The following GSE1 variants were observed in gnomAD, a reference collection of about 807,000 sequenced individuals.
The protein encoded by GSE1 is genetic suppressor element 1.
Under a neutral mutation model 112.6 loss-of-function variants are expected in GSE1, and 32 were observed. The observed-to-expected ratio is 0.28, with a 90% CI of 0.21 to 0.38. The LOEUF (loss-of-function observed/expected upper bound fraction) is 0.38, where lower values mean the gene tolerates loss of function less well. GSE1 is among the 10% of genes least tolerant of loss of function. The probability of loss-of-function intolerance (pLI) is 1.00; values close to 1 mark genes in which losing one functional copy is unlikely to be tolerated. For missense variants in GSE1, 2,348 were observed against 1,699.2 expected, an observed-to-expected ratio of 1.38 and a Z score of -6.71; for synonymous variants, 1,115 against 735.6, an observed-to-expected ratio of 1.52 and a Z score of -8.35.
chr16:85,196,034 C>T (rs958766365), intron 1 of GSE1, among the ~76,000 whole-genome samples: 45 of 152,276 alleles, frequency 3.0e-4, no homozygotes, highest in African/African-American at 8.2e-4. Flanking sequence ...TAACCAAACA[C>T]GGTCATGTTT....
chr16:85,466,484 C>G (rs1246299348), intron 2 of GSE1, among the ~76,000 whole-genome samples: 1 of 152,184 alleles, frequency 6.6e-6, no homozygotes, highest in Non-Finnish European at 1.5e-5. Context: ...ACACTGGCAG[C>G]TGAGCTCGTC....
intron 1 of GSE1, among the ~76,000 whole-genome samples, chr16:85,323,662 T>A (rs138016327): frequency 6.6e-6 from 1 of 152,244 alleles, no homozygotes; most frequent in Non-Finnish European, 1.5e-5. Flanking sequence ...CACCCCTGAT[T>A]CTGGCCAGGC....
intron 1 of GSE1, among the ~76,000 whole-genome samples, chr16:85,249,419 G>A (rs2144013610): frequency 6.6e-6 from 1 of 152,372 alleles, no homozygotes; most frequent in Admixed American, 6.5e-5. Flanking sequence ...GGCCTGTGCA[G>A]GCAGCAACCC....
chr16:85,607,276 G>A (rs926829193), upstream of GSE1, among the ~76,000 whole-genome samples: 4 of 152,142 alleles, frequency 2.6e-5, no homozygotes, highest in African/African-American at 7.2e-5. Flanking sequence ...GAGCTGGGGG[G>A]CGGTTGGTAG....
At chr16:85,572,523 C>T (rs1010585483) in intron 1 of GSE1, among the ~76,000 whole-genome samples, 2 of 151,758 alleles carry the variant, frequency 1.3e-5, no homozygotes, top group African/African-American at 4.8e-5. Flanking sequence ...ACACACACAC[C>T]GCACACACAT....
chr16:85,422,875 C>T (rs1442129028), intron 2 of GSE1, among the ~76,000 whole-genome samples: 7 of 152,110 alleles, frequency 4.6e-5, no homozygotes, highest in Non-Finnish European at 7.4e-5. Flanking sequence ...GCCTGACGCT[C>T]GGGGCTCCAG....
intron 1 of GSE1, among the ~76,000 whole-genome samples, chr16:85,191,437 G>T (rs528375912): frequency 6.6e-6 from 1 of 152,136 alleles, no homozygotes. Flanking sequence ...ACCCCATTCT[G>T]CCTGGCCACA....
intron 1 of GSE1, among the ~76,000 whole-genome samples, chr16:85,565,766 C>G (rs956962116): frequency 6.6e-6 from 1 of 152,174 alleles, no homozygotes; most frequent in African/African-American, 2.4e-5. Flanking sequence ...GAGCGGTGCT[C>G]GAACCAGGCC....
rs138390830 is a variant in GSE1, at chr16:85,184,481, C to T, written c.2283+12674C>T. ...ACTTAAGAAGGGGGCCAGGCACTGG[C>T]ATATTTGCTAAGCATTCCCCATATG... On this transcript the variant is annotated intron_variant, in intron 1 of 2. Coordinates refer to the GSE1 transcript ENST00000637419. 9.8e-5 allele frequency among the ~76,000 whole-genome samples: 15 copies of T among 152,336 alleles called. No homozygotes were observed. In the East Asian group the frequency reaches 2.9e-3, roughly 29 times the overall value.
At chr16:85,201,339 T>G (rs1356453284) in intron 1 of GSE1, among the ~76,000 whole-genome samples, 1 of 36,270 alleles carries the variant, frequency 2.8e-5, no homozygotes, top group Non-Finnish European at 6.0e-5. Flanking sequence ...CCCTTTGGTG[T>G]TTTTTTTTTT....
At chr16:85,565,403 AAAC>A (rs893892395) in intron 1 of GSE1, among the ~76,000 whole-genome samples, 1 of 150,954 alleles carries the variant, frequency 6.6e-6, no homozygotes, top group Non-Finnish European at 1.5e-5. Flanking sequence ...TCAAAAAAAA[AAAC>A]AAAAAAAAAC....
At chr16:85,199,736 A>G (rs375114776) in intron 1 of GSE1, among the ~76,000 whole-genome samples, 3 of 152,038 alleles carry the variant, frequency 2.0e-5, no homozygotes, top group Non-Finnish European at 4.4e-5. Context: ...GGGACATTCT[A>G]TTCAGAAGGT....
At chr16:85,391,100 C>T (rs971136547) in intron 2 of GSE1, among the ~76,000 whole-genome samples, 2 of 152,216 alleles carry the variant, frequency 1.3e-5, no homozygotes, top group Non-Finnish European at 2.9e-5. Context: ...CCCCCACCGC[C>T]CCAGCTGGCA....
At chr16:85,663,118 C>T (rs763694888) in intron 10 of GSE1, 25 bp downstream of exon 10, 1 of 1,483,790 alleles carries the variant, frequency 6.7e-7, no homozygotes, top group Non-Finnish European at 9.4e-7. Context: ...TCCCCACGGA[C>T]ATGCTCTGGG....
chr16:85,196,676 G>A (rs2074933864), intron 1 of GSE1, among the ~76,000 whole-genome samples: 1 of 152,082 alleles, frequency 6.6e-6, no homozygotes, highest in Non-Finnish European at 1.5e-5. Flanking sequence ...CTGACCTTGA[G>A]CAGCTCCATA....
chr16:85,395,439 T>A (rs1210641307), intron 2 of GSE1, among the ~76,000 whole-genome samples: 6 of 152,010 alleles, frequency 3.9e-5, no homozygotes, highest in Non-Finnish European at 8.8e-5. Flanking sequence ...CGACAATGGG[T>A]CCAGGCTGCC....
chr16:85,201,660 A>AC (rs1170207148), intron 1 of GSE1, among the ~76,000 whole-genome samples: 1 of 151,988 alleles, frequency 6.6e-6, no homozygotes, highest in Admixed American at 6.5e-5. Context: ...TCAAAAAAAA[A>AC]AACAACAACA....
chr16:85,501,781 C>A (rs1464146025), intron 2 of GSE1, among the ~76,000 whole-genome samples: 2 of 152,244 alleles, frequency 1.3e-5, no homozygotes, highest in African/African-American at 4.8e-5. Flanking sequence ...CTGCTGCCCA[C>A]AGAGGCTGCC....
intron 1 of GSE1, among the ~76,000 whole-genome samples, chr16:85,198,720 AG>A: frequency 6.6e-6 from 1 of 152,124 alleles, no homozygotes; most frequent in Non-Finnish European, 1.5e-5. Context: ...CCGACCCTTT[AG>A]CCCCTTGCTC....
Sources: allele counts gnomAD v4.1 joint callset (sites outside exome capture counted in the v4.1 genomes callset), GRCh38; gene constraint gnomAD v4.1.1; transcripts MANE v1.5; gene names NCBI Gene and HGNC (gene_info 2026-07-23, HGNC 2026-07-21).